The following MCMBP variants were observed in gnomAD, a reference collection of about 807,000 sequenced individuals.
MCMBP encodes the protein mini-chromosome maintenance complex-binding protein.
A neutral mutation model predicts 81.3 loss-of-function variants in MCMBP; 31 were observed. That is an observed-to-expected ratio of 0.38 (90% CI 0.29 to 0.51). The LOEUF is 0.51. Among genes scored for constraint, MCMBP ranks in the 20% least tolerant of loss-of-function variants. The pLI, the probability that MCMBP is intolerant of heterozygous loss-of-function variation, is 0.87. For missense variants in MCMBP, 645 were observed against 772.1 expected, an observed-to-expected ratio of 0.84 and a Z score of 1.95; for synonymous variants, 267 against 275.9, an observed-to-expected ratio of 0.97 and a Z score of 0.32.
At chr10:119,857,243 T>A in intron 5 of MCMBP, 95 bp downstream of exon 5, 1 of 877,002 alleles carries the variant, frequency 1.1e-6, no homozygotes, top group Non-Finnish European at 1.7e-6. Context: ...AAACACACTT[T>A]ATTAAAATAA....
In MCMBP at chr10:119,835,607, T is replaced by C. The variant is rs1852212686; in HGVS notation, c.1640A>G (p.Asn547Ser). Residue 547 changes from asparagine to serine, a missense_variant, in exon 14 of 16, where the codon AAC becomes AGC. Asn to Ser is a conservative substitution (Grantham distance 46). Coordinates refer to ENST00000369077, the MANE Select transcript of MCMBP (RefSeq NM_001256378.2). ...LLSAVLPSVL[N>S]KFRIYLTLLR... ...AAGAGTTAGATAAATGCGGAATTTG[T>C]TCAGCACGGAAGGCAGCACCGCTGA... 1 of 1,614,110 alleles carries C rather than the reference T, an allele frequency of 6.2e-7. No individual in the cohort carries two copies. Among genetic ancestry groups the C allele is most frequent in the Admixed American group, 1.7e-5 (1 of 60,006 alleles).
At chr10:119,852,390 C>T (rs1474928891) in intron 6 of MCMBP, among the ~76,000 whole-genome samples, 1 of 151,896 alleles carries the variant, frequency 6.6e-6, no homozygotes, top group Non-Finnish European at 1.5e-5. Context: ...AAAGCTAAGA[C>T]TGGTTGGGCG....
At chr10:119,872,220 A>C (rs1054871454) in intron 1 of MCMBP, among the ~76,000 whole-genome samples, 1 of 150,602 alleles carries the variant, frequency 6.6e-6, no homozygotes, top group Non-Finnish European at 1.5e-5. Flanking sequence ...TGGCCCTGCC[A>C]CAGGCTGGGA....
At chr10:119,873,285 G>C (rs1035979120), upstream of MCMBP, 3 of 151,990 alleles carry the variant, frequency 2.0e-5, no homozygotes, top group Non-Finnish European at 4.4e-5. Flanking sequence ...TTGGGTCCCC[G>C]GCCCGAAACC....
intron 6 of MCMBP, among the ~76,000 whole-genome samples, chr10:119,850,204 C>T (rs1361293798): frequency 6.6e-6 from 1 of 152,100 alleles, no homozygotes; most frequent in African/African-American, 2.4e-5. Context: ...TGGGATGGAT[C>T]TCAAGGGAAT....
At chr10:119,867,456 T>C (rs1185231114) in intron 1 of MCMBP, among the ~76,000 whole-genome samples, 2 of 152,108 alleles carry the variant, frequency 1.3e-5, no homozygotes, top group African/African-American at 4.8e-5. Context: ...GCCGGAGCTA[T>C]TCTTCTTCTT....
At chr10:119,841,125 T>C (rs1234399550) in intron 10 of MCMBP, among the ~76,000 whole-genome samples, 165 bp from the exon 11 acceptor site, 2 of 152,234 alleles carry the variant, frequency 1.3e-5, no homozygotes, top group Non-Finnish European at 2.9e-5. Flanking sequence ...ATAGCCAATA[T>C]TTGTACGTAA....
intron 1 of MCMBP, among the ~76,000 whole-genome samples, chr10:119,862,708 A>G (rs1235587002): frequency 6.6e-6 from 1 of 152,190 alleles, no homozygotes; most frequent in Non-Finnish European, 1.5e-5. Context: ...GAGTATCTAG[A>G]TATGACACAG....
chr10:119,869,441 A>G (rs982914922), intron 1 of MCMBP, among the ~76,000 whole-genome samples: 1 of 152,142 alleles, frequency 6.6e-6, no homozygotes, highest in African/African-American at 2.4e-5. Flanking sequence ...GCATGGTGGC[A>G]TGCACCTGTA....
intron 1 of MCMBP, among the ~76,000 whole-genome samples, chr10:119,860,335 C>A (rs768761719): frequency 6.6e-6 from 1 of 152,084 alleles, no homozygotes; most frequent in Non-Finnish European, 1.5e-5. Flanking sequence ...GGGAATAATT[C>A]CAGATTCAAA....
At chr10:119,847,585 A>T (rs1298810444) in intron 8 of MCMBP, 28 bp downstream of exon 8, 2 of 1,360,822 alleles carry the variant, frequency 1.5e-6, no homozygotes. Context: ...AAAATAAAGG[A>T]GACCAAAAAA....
intron 2 of MCMBP, 94 bp from the exon 3 acceptor site, chr10:119,859,275 TAC>T (rs34034506): frequency 0.4 from 241,291 of 606,020 alleles, 29,953 homozygotes; most frequent in African/African-American, 0.54. Flanking sequence ...CTCAAACTGT[TAC>T]ACACACACAC....
At chr10:119,856,609 T>C (rs1184000873) in intron 5 of MCMBP, among the ~76,000 whole-genome samples, 3 of 152,198 alleles carry the variant, frequency 2.0e-5, no homozygotes, top group African/African-American at 7.2e-5. Flanking sequence ...GTATAAATTA[T>C]ATAGGTGTAT....
chr10:119,851,044 TG>T (rs1224776403), intron 6 of MCMBP, among the ~76,000 whole-genome samples: 2 of 151,692 alleles, frequency 1.3e-5, no homozygotes, highest in Non-Finnish European at 2.9e-5. Context: ...AGCTAATTTT[TG>T]TATTTTTAGT....
rs777212014 is a variant in MCMBP, at chr10:119,829,812, AT to A, written c.*1661del. 9.2e-5 allele frequency: 14 copies of A among 152,322 alleles called. No individual in the cohort carries two copies. Among genetic ancestry groups the A allele is most frequent in the Non-Finnish European group, 1.9e-4 (13 of 68,016 alleles). The allele number at this position is 152,322 out of a possible 1,614,324, so 9.4% of individuals were successfully genotyped here. ...AGGTACTGCTAATTTGGGACGTTTT[AT>A]TTATTGGAAAGGTTCTTTCAAGGGA... On this transcript the variant is annotated 3_prime_UTR_variant, in exon 16 of 16. Coordinates refer to ENST00000369077, the MANE Select transcript of MCMBP (RefSeq NM_001256378.2).
chr10:119,865,421 A>G (rs1366504651), intron 1 of MCMBP, among the ~76,000 whole-genome samples: 3 of 152,130 alleles, frequency 2.0e-5, no homozygotes, highest in Non-Finnish European at 4.4e-5. Context: ...GTGAAACCTC[A>G]TCTCTACTAA....
intron 5 of MCMBP, among the ~76,000 whole-genome samples, chr10:119,853,727 C>T (rs1291689630): frequency 6.6e-6 from 1 of 152,134 alleles, no homozygotes; most frequent in Non-Finnish European, 1.5e-5. Context: ...GTCAAGACTC[C>T]CTGAGGACTA....
At chr10:119,847,193 G>A (rs181850485) in intron 8 of MCMBP, among the ~76,000 whole-genome samples, 7 of 152,246 alleles carry the variant, frequency 4.6e-5, no homozygotes, top group East Asian at 1.9e-4. Flanking sequence ...GAGAATGAGC[G>A]AGCTTCTGAA....
At chr10:119,850,879 T>G (rs1044264576) in intron 6 of MCMBP, among the ~76,000 whole-genome samples, 1 of 149,332 alleles carries the variant, frequency 6.7e-6, no homozygotes, top group Non-Finnish European at 1.5e-5. Context: ...GATCTGTTTT[T>G]TTTTTTTTTT....
Sources: gnomAD v4.1 joint callset for allele counts (sites outside exome capture counted in the v4.1 genomes callset) on GRCh38, gnomAD v4.1.1 for gene constraint, MANE v1.5 for transcripts, NCBI Gene and HGNC (gene_info 2026-07-23, HGNC 2026-07-21) for gene names.